The following PCDH12 variants were observed in gnomAD, a reference collection of about 807,000 sequenced individuals.
The protein encoded by PCDH12 is protocadherin-12.
PCDH12 carries 45 observed loss-of-function variants against 70.9 expected under a neutral mutation model. The observed-to-expected ratio is 0.63, with a 90% CI of 0.50 to 0.81. The LOEUF (loss-of-function observed/expected upper bound fraction) is 0.81. Among genes scored for constraint, PCDH12 ranks in the 40% least tolerant of loss-of-function variants. PCDH12 has a pLI of 0.00. For synonymous variants in PCDH12, 567 were observed against 626.0 expected, an observed-to-expected ratio of 0.91 and a Z score of 1.41; for missense variants, 1,370 against 1,491.7, an observed-to-expected ratio of 0.92 and a Z score of 1.34.
Position 141,956,359 on chromosome 5 carries a change from C to A in PCDH12, c.1493G>T (p.Arg498Leu). Residue 498 changes from arginine (R) to leucine (L), a missense_variant, in exon 1 of 4, where the codon CGC becomes CTC. Transcript: ENST00000231484. The stretch of plus-strand genomic sequence containing the variant: ...GTGAGCAACTGGGGAGTCCTGGATG[C>A]GGTATGAGACTTTTCCATTAATGCC... ...DLGINGKVSYRIQDSPVAHLV... is the reference protein window; with the variant it reads ...DLGINGKVSYLIQDSPVAHLV... 1 of 1,614,164 alleles carries A rather than the reference C, an allele frequency of 6.2e-7. No homozygotes were observed. Among genetic ancestry groups the A allele is most frequent in the Non-Finnish European group, 8.5e-7 (1 of 1,180,022 alleles).
At chr5:141,954,902 T>C (rs1753147140) in intron 1 of PCDH12, 70 bp downstream of exon 1, 1 of 1,534,552 alleles carries the variant, frequency 6.5e-7, no homozygotes, top group East Asian at 2.3e-5. Flanking sequence ...GTGCAGGTTA[T>C]GGGGGTGTCT....
chr5:141,949,328 A>G, intron 3 of PCDH12, 104 bp downstream of exon 3: 1 of 1,492,250 alleles, frequency 6.7e-7, no homozygotes. Context: ...ATGTTCCTCC[A>G]CAGAAACAGA....
chr5:141,948,074 A>G (rs1186286535), intron 3 of PCDH12, among the ~76,000 whole-genome samples: 1 of 152,236 alleles, frequency 6.6e-6, no homozygotes, highest in Admixed American at 6.5e-5. Flanking sequence ...TTAAATTTAA[A>G]TAGCCACTTG....
At position 141,951,580 on chromosome 5, in the gene PCDH12, T is replaced by TG; in HGVS notation, c.2890dup (p.Gln964ProfsTer21). On this transcript the variant is annotated frameshift_variant, in exon 2 of 4. Coordinates refer to ENST00000231484, the MANE Select transcript of PCDH12 (RefSeq NM_016580.4). LOFTEE classifies it high-confidence loss of function. The stretch of plus-strand genomic sequence containing the variant: ...GCCCTGATGCAGCAAGGACAGCAGC[T>TG]GGGAGATTTGCTACAAGACAGGAAA... 1 of 1,613,996 alleles carries TG rather than the reference T, an allele frequency of 6.2e-7. No homozygotes were observed. The highest frequency in any genetic ancestry group is 8.5e-7 in the Non-Finnish European group (1 of 1,179,802).
rs1436955725 is a variant in PCDH12, at chr5:141,957,316, T to G, written c.536A>C (p.His179Pro). 1 of 1,613,406 alleles carries G rather than the reference T, an allele frequency of 6.2e-7. No homozygotes were observed. The highest frequency in any genetic ancestry group is 8.5e-7 in the Non-Finnish European group (1 of 1,179,620). ...GCCCACAATGACATCCAAGGCAAAGTGCTCACTGGGAGACAGAGTGTAGGT... is the reference window on the plus strand; with the variant it reads ...GCCCACAATGACATCCAAGGCAAAGGGCTCACTGGGAGACAGAGTGTAGGT... ...LHTYTLSPSE[H>P]FALDVIVGPD... is the part of the protein sequence containing the mutation. The change falls in exon 1 of 4, where the codon CAC becomes CCC. Residue 179 changes from histidine to proline, a missense_variant. Transcript: ENST00000231484. This position sits in a 1 kb window ranked among gnomAD's most constrained non-coding sequence, Gnocchi z 4.3.
chr5:141,956,196 C>G lies in PCDH12; in HGVS notation c.1656G>C (p.Trp552Cys). The change falls in exon 1 of 4, where the codon TGG becomes TGC. Residue 552 changes from tryptophan (W) to cysteine (C), a missense_variant. Physicochemically the swap from Trp to Cys is radical, Grantham distance 215. Transcript: ENST00000231484. ...QPMLASSVSV[W>C]VSLLDANDNA... ...TATCATTGGCATCCAAGAGGCTGAC[C>G]CACACAGAGACACTGGATGCAAGCA... 6.2e-7 allele frequency: 1 copy of G among 1,614,176 alleles called. No homozygotes were observed. The highest frequency in any genetic ancestry group is 8.5e-7 in the Non-Finnish European group (1 of 1,180,038).
chr5:141,949,580 A>G lies in PCDH12; in HGVS notation c.2982T>C (p.Ser994=). The change falls in exon 3 of 4, where the codon AGT becomes AGC. Residue 994 remains serine (S), a synonymous_variant. Coordinates refer to ENST00000231484, the MANE Select transcript of PCDH12 (RefSeq NM_016580.4). ...TTGGGCCATCTGTGTCTGGGATTGCACTCCTGCAAAAGAAACCAACCAGTC... is the reference window on the plus strand; with the variant it reads ...TTGGGCCATCTGTGTCTGGGATTGCGCTCCTGCAAAAGAAACCAACCAGTC... ...KYLAKPGGSR[S]AIPDTDGPSA... is the part of the protein sequence containing the mutation. The G allele has an allele frequency of 1.5e-5, 25 of 1,612,914 alleles. No homozygotes were observed. Among genetic ancestry groups the G allele is most frequent in the East Asian group, 2.2e-5 (1 of 44,858 alleles).
chr5:141,944,347 T>C lies in PCDH12; in HGVS notation c.*1034A>G, dbSNP rs1752850870. The stretch of plus-strand genomic sequence containing the variant: ...GCATCAGTTCAGATCCAAGTTCCTT[T>C]TGCCTTGTGCTTGGGAATGTAGAGA... On this transcript the variant is annotated 3_prime_UTR_variant, in exon 4 of 4. Transcript: ENST00000231484. 6.6e-6 allele frequency: 1 copy of C among 152,258 alleles called. No individual in the cohort carries two copies. The highest frequency in any genetic ancestry group is 2.4e-5 in the African/African-American group (1 of 41,464). The allele number at this position is 152,258 out of a possible 1,614,324, so 9.4% of individuals were successfully genotyped here.
Position 141,955,183 on chromosome 5 carries a change from A to G in PCDH12, c.2669T>C (p.Leu890Pro). The G allele has an allele frequency of 6.2e-7, 1 of 1,614,192 alleles. No homozygotes were observed. The highest frequency in any genetic ancestry group is 8.5e-7 in the Non-Finnish European group (1 of 1,180,022). The change falls in exon 1 of 4, where the codon CTG becomes CCG. Residue 890 changes from leucine (L) to proline (P), a missense_variant. Transcript: ENST00000231484. This position sits in a 1 kb window ranked among gnomAD's most constrained non-coding sequence, Gnocchi z 5.5. Reference protein sequence around the residue: ...LKVAGSPTGRLAGDQGSEEAP... With the variant: ...LKVAGSPTGRPAGDQGSEEAP... ...TTCCTCACTGCCCTGGTCTCCAGCCAGCCTCCCTGTGGGGCTGCCTGCAAC... is the reference window on the plus strand; with the variant it reads ...TTCCTCACTGCCCTGGTCTCCAGCCGGCCTCCCTGTGGGGCTGCCTGCAAC...
rs749737523 is a variant in PCDH12, at chr5:141,957,571, C to T, written c.281G>A (p.Arg94Gln). 24 of 1,614,084 alleles carry T rather than the reference C, an allele frequency of 1.5e-5. No individual in the cohort carries two copies. Among genetic ancestry groups the T allele is most frequent in the South Asian group, 2.2e-5 (2 of 91,092 alleles). The change falls in exon 1 of 4, where the codon CGA (arginine) becomes CAA (glutamine). Residue 94 changes from arginine to glutamine, a missense_variant. Arg to Gln is a conservative substitution (Grantham distance 43, BLOSUM62 1). Coordinates refer to ENST00000231484, the MANE Select transcript of PCDH12 (RefSeq NM_016580.4). This position sits in a 1 kb window ranked among gnomAD's most constrained non-coding sequence, Gnocchi z 4.3. ...ATCCCACTGTCGGCACAGCTGCTCTCGATCCAGCCGCCTGCCTGTGCTGAG... is the reference window on the plus strand; with the variant it reads ...ATCCCACTGTCGGCACAGCTGCTCTTGATCCAGCCGCCTGCCTGTGCTGAG... ...GLLSTGRRLDREQLCRQWDPC... is the reference protein window; with the variant it reads ...GLLSTGRRLDQEQLCRQWDPC...
Position 141,957,623 on chromosome 5 carries a change from T to C in PCDH12, c.229A>G (p.Ile77Val), listed in dbSNP as rs370848821. The C allele has an allele frequency of 2.3e-5, 37 of 1,614,088 alleles. No individual in the cohort carries two copies. Among genetic ancestry groups the C allele is most frequent in the East Asian group, 2.2e-4 (10 of 44,884 alleles). The change falls in exon 1 of 4, where the codon ATT (isoleucine) becomes GTT (valine). Residue 77 changes from isoleucine (I) to valine (V), a missense_variant. Coordinates refer to ENST00000231484, the MANE Select transcript of PCDH12 (RefSeq NM_016580.4). The surrounding 1 kb of genome is among the most constrained non-coding windows in gnomAD (Gnocchi z 4.3). ...AAGCCTTCCTCAGAGTCCACCTGAA[T>C]GGGGAGCGCCTGAGGCAGCTGCAAC... is the stretch of plus-strand genomic sequence containing the variant. ...QVLQLPQALPIQVDSEEGLLS... is the reference protein window; with the variant it reads ...QVLQLPQALPVQVDSEEGLLS...
chr5:141,951,460 T>G, intron 2 of PCDH12, 33 bp downstream of exon 2: 1 of 1,550,500 alleles, frequency 6.4e-7, no homozygotes, highest in Non-Finnish European at 8.9e-7. Flanking sequence ...AGTAGGGGCC[T>G]TGAGATGCCT....
Position 141,955,329 on chromosome 5 carries a change from C to T in PCDH12, c.2523G>A (p.Val841=). The T allele has an allele frequency of 6.2e-7, 1 of 1,614,186 alleles. No homozygotes were observed. ...NQGAPAESRE[V]LQDTVNLLFN... is the part of the protein sequence containing the mutation. ...AAAGGAGGTTGACCGTGTCTTGCAG[C>T]ACCTCTCGGCTCTCCGCCGGTGCTC... Residue 841 remains valine (V), a synonymous_variant, in exon 1 of 4, where the codon GTG becomes GTA. Transcript: ENST00000231484. This position sits in a 1 kb window ranked among gnomAD's most constrained non-coding sequence, Gnocchi z 5.5.
Position 141,945,327 on chromosome 5 carries a change from G to T in PCDH12, c.*54C>A. 1 of 1,539,412 alleles carries T rather than the reference G, an allele frequency of 6.5e-7. No homozygotes were observed. The highest frequency in any genetic ancestry group is 8.7e-7 in the Non-Finnish European group (1 of 1,145,212). On this transcript the variant is annotated 3_prime_UTR_variant, in exon 4 of 4. Coordinates refer to ENST00000231484, the MANE Select transcript of PCDH12 (RefSeq NM_016580.4). Reference sequence around the variant, plus strand: ...TACAAGATTTTAGAAACCAGCTCTTGTCCACAGATCCTCAGGCCCCTGGTT... The same window carrying T: ...TACAAGATTTTAGAAACCAGCTCTTTTCCACAGATCCTCAGGCCCCTGGTT...
Position 141,945,027 on chromosome 5 carries a change from G to T in PCDH12, c.*354C>A. ...CATTTCCTGGCACCCCCAGGGTACA[G>T]CCCCCTGACTCCTGCTACCCAAGAA... is the stretch of plus-strand genomic sequence containing the variant. On this transcript the variant is annotated 3_prime_UTR_variant, in exon 4 of 4. Coordinates refer to ENST00000231484, the MANE Select transcript of PCDH12 (RefSeq NM_016580.4). 1 of 277,008 alleles carries T rather than the reference G, an allele frequency of 3.6e-6. No individual in the cohort carries two copies. The highest frequency in any genetic ancestry group is 7.9e-5 in the East Asian group (1 of 12,614). 17.2% of individuals were successfully genotyped at this position (277,008 alleles called of 1,614,324 possible).
intron 3 of PCDH12, among the ~76,000 whole-genome samples, chr5:141,947,697 A>T (rs974840000): frequency 6.6e-6 from 1 of 152,338 alleles, no homozygotes; most frequent in South Asian, 2.1e-4. Flanking sequence ...CCAGGAAAAC[A>T]TTATCATGGT....
Position 141,955,107 on chromosome 5 carries a change from A to G in PCDH12, c.2745T>C (p.His915=), listed in dbSNP as rs1373396790. The change falls in exon 1 of 4, where the codon CAT becomes CAC. Residue 915 remains histidine, a synonymous_variant. Transcript: ENST00000231484. This position sits in a 1 kb window ranked among gnomAD's most constrained non-coding sequence, Gnocchi z 5.5. The part of the protein sequence containing the change: ...ASSATLRRQR[H]LNGKVSPEKE... ...TCTCAGGGGACACTTTGCCATTGAG[A>G]TGTCGCTGCCGTCTCAGGGTTGCAG... 6.2e-7 allele frequency: 1 copy of G among 1,614,046 alleles called. No individual in the cohort carries two copies. The highest frequency in any genetic ancestry group is 8.5e-7 in the Non-Finnish European group (1 of 1,180,036).
At position 141,957,627 on chromosome 5, in the gene PCDH12, G is replaced by C; in HGVS notation, c.225C>G (p.Leu75=). 1 of 1,614,178 alleles carries C rather than the reference G, an allele frequency of 6.2e-7. No homozygotes were observed. The highest frequency in any genetic ancestry group is 8.5e-7 in the Non-Finnish European group (1 of 1,180,040). Residue 75 remains leucine, a synonymous_variant, in exon 1 of 4, where the codon CTC becomes CTG. Coordinates refer to ENST00000231484, the MANE Select transcript of PCDH12 (RefSeq NM_016580.4). The surrounding 1 kb of genome is among the most constrained non-coding windows in gnomAD (Gnocchi z 4.3). ...AFQVLQLPQA[L]PIQVDSEEGL... is the part of the protein sequence containing the mutation. ...CTTCCTCAGAGTCCACCTGAATGGG[G>C]AGCGCCTGAGGCAGCTGCAACACCT...
rs375775264 is a variant in PCDH12, at chr5:141,956,289, C to T, written c.1563G>A (p.Arg521=). Residue 521 remains arginine (R), a synonymous_variant, in exon 1 of 4, where the codon AGG becomes AGA. Transcript: ENST00000231484. ...DSNTGEVTAQ[R]SLNYEEMAGF... ...CGGCCATCTCTTCATAGTTCAGTGA[C>T]CTCTGAGCAGTGACCTCTCCTGTGT... 52 of 1,614,184 alleles carry T rather than the reference C, an allele frequency of 3.2e-5. 2 individuals carry two copies. The highest frequency in any genetic ancestry group is 2.2e-4 in the Admixed American group (13 of 60,016).
Sources: allele counts gnomAD v4.1 joint callset (sites outside exome capture counted in the v4.1 genomes callset), GRCh38; gene constraint gnomAD v4.1.1; non-coding constraint Gnocchi (gnomAD v3.1); transcripts MANE v1.5; gene names NCBI Gene and HGNC (gene_info 2026-07-23, HGNC 2026-07-21).